The following FCGR3A variants were observed in gnomAD, a reference collection of about 807,000 sequenced individuals.
FCGR3A encodes the protein low affinity immunoglobulin gamma Fc region receptor III-A.
Under a neutral mutation model 24.1 loss-of-function variants are expected in FCGR3A, and 13 were observed. That is an observed-to-expected ratio of 0.54 (90% CI 0.35 to 0.86). The LOEUF is 0.86. FCGR3A is among the 40% of genes least tolerant of loss of function. The probability of loss-of-function intolerance (pLI) is 0.01; values close to 1 mark genes in which losing one functional copy is unlikely to be tolerated. For missense variants in FCGR3A, 235 were observed against 298.0 expected (o/e 0.79, Z 1.56); for synonymous variants, 93 against 112.2 (o/e 0.83, Z 1.08).
At chr1:161,549,471 G>C (rs1677636479) in intron 1 of FCGR3A, among the ~76,000 whole-genome samples, 1 of 152,060 alleles carries the variant, frequency 6.6e-6, no homozygotes. Flanking sequence ...CTGGGACCCA[G>C]AGGGGTGAAG....
rs773725219 is a variant in FCGR3A at position 161,542,994 on chromosome 1, AC to A, written c.*17del. 3 of 1,590,574 alleles carry A rather than the reference AC, an allele frequency of 1.9e-6. No homozygotes were observed. The highest frequency in any genetic ancestry group is 3.5e-5 in the Admixed American group (2 of 57,028). ...AGATGCTGCTGCTACTGCTCTTATT[AC>A]CCCCATGGGATGGGGGTCATTTGTC... is the stretch of plus-strand genomic sequence containing the variant. On this transcript the variant is annotated 3_prime_UTR_variant, in exon 5 of 5. Transcript: ENST00000443193.
chr1:161,545,076 C>A, intron 3 of FCGR3A, 118 bp from the exon 4 acceptor site: 3 of 1,291,810 alleles, frequency 2.3e-6, no homozygotes, highest in South Asian at 2.9e-5. Context: ...TGGGAGTCAA[C>A]CCTGCATAGC....
chr1:161,544,662 C>T (rs368731816), intron 4 of FCGR3A, 39 bp downstream of exon 4: 2 of 1,601,228 alleles, frequency 1.2e-6, no homozygotes, highest in Non-Finnish European at 1.7e-6. Context: ...GTTCCACACA[C>T]AGGCGTCCCT....
chr1:161,549,551 C>T (rs1359576452), intron 1 of FCGR3A, 146 bp downstream of exon 1: 4 of 1,453,084 alleles, frequency 2.8e-6, no homozygotes, highest in African/African-American at 1.4e-5. Flanking sequence ...CCCATCTTGG[C>T]TTGTCCTAGG....
Position 161,543,067 on chromosome 1 carries a change from G to T in FCGR3A, c.710C>A (p.Thr237Lys). 2 of 1,613,458 alleles carry T rather than the reference G, an allele frequency of 1.2e-6. No homozygotes were observed. Among genetic ancestry groups the T allele is most frequent in the Non-Finnish European group, 1.7e-6 (2 of 1,179,652 alleles). Reference sequence around the variant, plus strand: ...AAATTTATGGTCCTTCCAGTCTCTTGTTGAGCTTCGAATGTTTGTCTTCAC... The same window carrying T: ...AAATTTATGGTCCTTCCAGTCTCTTTTTGAGCTTCGAATGTTTGTCTTCAC... ...FSVKTNIRSSTRDWKDHKFKW... is the reference protein window; with the variant it reads ...FSVKTNIRSSKRDWKDHKFKW... Residue 237 changes from threonine to lysine, a missense_variant, in exon 5 of 5, where the codon ACA (threonine) becomes AAA (lysine). Physicochemically the swap from Thr to Lys is moderately conservative, Grantham distance 78. Coordinates refer to ENST00000443193, the MANE Select transcript of FCGR3A (RefSeq NM_000569.8).
intron 2 of FCGR3A, 68 bp from the exon 3 acceptor site, chr1:161,548,746 G>A (rs1677594248): frequency 1.2e-6 from 2 of 1,609,570 alleles, no homozygotes; most frequent in Non-Finnish European, 1.7e-6. Flanking sequence ...CATTCCCAGG[G>A]AGCCTCAAAG....
chr1:161,549,517 A>G (rs1449918914), intron 1 of FCGR3A, among the ~76,000 whole-genome samples, 180 bp downstream of exon 1: 1 of 151,988 alleles, frequency 6.6e-6, no homozygotes, highest in Non-Finnish European at 1.5e-5. Flanking sequence ...CCCAATTGGA[A>G]CCAGCATTCT....
chr1:161,547,215 A>C (rs1482812964), intron 3 of FCGR3A, among the ~76,000 whole-genome samples: 1 of 152,136 alleles, frequency 6.6e-6, no homozygotes, highest in Non-Finnish European at 1.5e-5. Flanking sequence ...AGAAATGGAC[A>C]TATCTTCTTG....
At chr1:161,546,151 A>T (rs1444470621) in intron 3 of FCGR3A, among the ~76,000 whole-genome samples, 3 of 152,102 alleles carry the variant, frequency 2.0e-5, no homozygotes, top group Non-Finnish European at 4.4e-5. Flanking sequence ...TGTGTTGGTC[A>T]TGATTCTCTA....
upstream of FCGR3A, chr1:161,550,003 G>A: frequency 1.3e-6 from 1 of 752,800 alleles, no homozygotes. Context: ...GTCTGTGGCT[G>A]AGCATCTGAG....
intron 3 of FCGR3A, among the ~76,000 whole-genome samples, chr1:161,548,069 T>G (rs1394515661): frequency 6.6e-6 from 1 of 152,248 alleles, no homozygotes; most frequent in Admixed American, 6.5e-5. Context: ...ATACTCTGTC[T>G]CAAAAAATAA....
At chr1:161,543,289 T>C in intron 4 of FCGR3A, 90 bp from the exon 5 acceptor site, 2 of 1,467,220 alleles carry the variant, frequency 1.4e-6, no homozygotes, top group Non-Finnish European at 9.3e-7. Flanking sequence ...AGAAAGTCTT[T>C]GACAACAGCC....
intron 1 of FCGR3A, among the ~76,000 whole-genome samples, 154 bp from the exon 2 acceptor site, chr1:161,549,185 C>T (rs572993899): frequency 6.6e-6 from 1 of 150,956 alleles, no homozygotes; most frequent in Non-Finnish European, 1.5e-5. Flanking sequence ...TTGCTACCTG[C>T]TCTCTGGTCT....
intron 3 of FCGR3A, chr1:161,545,475 G>A (rs1200155698): frequency 1.3e-5 from 2 of 156,766 alleles, no homozygotes; most frequent in African/African-American, 4.8e-5. Flanking sequence ...TTGTGAAGGA[G>A]AACTCAATGT....
chr1:161,546,677 G>A lies in FCGR3A; in HGVS notation c.320-1719C>T, dbSNP rs535447515. ...TCCTAGTACTTTGGGAGGCCGAGGTGGGCAGATCATGAAGTCAGGAGATCA... is the reference window on the plus strand; with the variant it reads ...TCCTAGTACTTTGGGAGGCCGAGGTAGGCAGATCATGAAGTCAGGAGATCA... On this transcript the variant is annotated intron_variant, in intron 3 of 4. Transcript: ENST00000443193. 1.8e-3 allele frequency among the ~76,000 whole-genome samples: 268 copies of A among 151,716 alleles called. 1 individual carries two copies. The highest frequency in any genetic ancestry group is 5.9e-3 in the African/African-American group (244 of 41,280).
chr1:161,543,842 G>A (rs1364485377), intron 4 of FCGR3A, among the ~76,000 whole-genome samples: 2 of 152,260 alleles, frequency 1.3e-5, no homozygotes, highest in African/African-American at 4.8e-5. Flanking sequence ...GCTAGTTACA[G>A]ATAGAAGTTC....
At chr1:161,550,313 T>C (rs1010975110), upstream of FCGR3A, among the ~76,000 whole-genome samples, 14 of 152,348 alleles carry the variant, frequency 9.2e-5, no homozygotes, top group Non-Finnish European at 1.8e-4. Flanking sequence ...ACGCAGAATT[T>C]CTTTCAAAAT....
At chr1:161,546,232 A>G (rs576349703) in intron 3 of FCGR3A, among the ~76,000 whole-genome samples, 4 of 152,220 alleles carry the variant, frequency 2.6e-5, no homozygotes, top group Non-Finnish European at 5.9e-5. Context: ...AAAAGAAGCC[A>G]TGTGCCTATC....
At chr1:161,550,215 T>C (rs1677696476), upstream of FCGR3A, 3 of 449,798 alleles carry the variant, frequency 6.7e-6, no homozygotes, top group African/African-American at 6.0e-5. Context: ...GACCCATCTA[T>C]CTCCAGCTGA....
Sources: allele counts gnomAD v4.1 joint callset (sites outside exome capture counted in the v4.1 genomes callset), GRCh38; gene constraint gnomAD v4.1.1; transcripts MANE v1.5; gene names NCBI Gene and HGNC (gene_info 2026-07-23, HGNC 2026-07-21).